BOLA3: variants seen among roughly 807,000 people sequenced by gnomAD.
BOLA3 encodes the protein bolA family member 3.
BOLA3 carries 8 observed loss-of-function variants against 14.5 expected under a neutral mutation model. The ratio of observed to expected loss-of-function variants is 0.55; its 90% CI spans 0.32 to 0.99. The LOEUF (loss-of-function observed/expected upper bound fraction) is 0.99. Among genes scored for constraint, BOLA3 ranks in the 50% least tolerant of loss-of-function variants. BOLA3 has a pLI of 0.04. For missense variants in BOLA3, 115 were observed against 138.2 expected (o/e 0.83, Z 0.84); for synonymous variants, 42 against 45.7 (o/e 0.92, Z 0.33).
intron 2 of BOLA3, 47 bp downstream of exon 2, chr2:74,145,142 G>A (rs752181471): frequency 9.0e-7 from 1 of 1,116,560 alleles, no homozygotes; most frequent in East Asian, 2.3e-5. Context: ...CCTTCCAAAG[G>A]GCAAAATCTT....
chr2:74,146,822 C>T (rs982780054), intron 1 of BOLA3: 8 of 152,492 alleles, frequency 5.2e-5, no homozygotes, highest in Non-Finnish European at 1.2e-4. Flanking sequence ...GAGCTGACCC[C>T]AGGGCAGGCC....
chr2:74,144,000 A>G (rs927043528), intron 2 of BOLA3, among the ~76,000 whole-genome samples: 5 of 120,038 alleles, frequency 4.2e-5, no homozygotes, highest in Non-Finnish European at 8.4e-5. Context: ...GCCTGGCCCC[A>G]GCAGATTTTT....
intron 1 of BOLA3, chr2:74,146,741 T>G (rs1692552628): frequency 6.6e-6 from 1 of 152,254 alleles, no homozygotes; most frequent in Non-Finnish European, 1.5e-5. Flanking sequence ...AGCACCTCCT[T>G]TAAAATGAGC....
At chr2:74,136,340 G>A (rs79879038) in intron 3 of BOLA3, among the ~76,000 whole-genome samples, 25 of 152,108 alleles carry the variant, frequency 1.6e-4, no homozygotes, top group African/African-American at 4.8e-4. Flanking sequence ...CTTTTAAAAC[G>A]CAAATGGTTA....
chr2:74,144,899 C>T (rs1692515804), intron 2 of BOLA3, among the ~76,000 whole-genome samples: 2 of 152,222 alleles, frequency 1.3e-5, no homozygotes, highest in African/African-American at 4.8e-5. Context: ...AAATGACAGA[C>T]TGTGGACCTC....
At chr2:74,139,452 C>G (rs1692396735) in intron 3 of BOLA3, among the ~76,000 whole-genome samples, 1 of 151,794 alleles carries the variant, frequency 6.6e-6, no homozygotes, top group Admixed American at 6.6e-5. Context: ...GTCCAGTTAC[C>G]ACCTTGCCTT....
At chr2:74,141,620 C>T (rs909421320) in intron 3 of BOLA3, among the ~76,000 whole-genome samples, 12 of 151,962 alleles carry the variant, frequency 7.9e-5, no homozygotes, top group African/African-American at 2.4e-4. Context: ...GAGAGGCCAC[C>T]GAAGAGACGC....
chr2:74,136,528 T>A (rs1361149351), intron 3 of BOLA3, among the ~76,000 whole-genome samples: 1 of 152,208 alleles, frequency 6.6e-6, no homozygotes, highest in East Asian at 1.9e-4. Context: ...CCAAGAGAAT[T>A]CTTCTTCCAT....
intron 3 of BOLA3, among the ~76,000 whole-genome samples, chr2:74,140,500 C>T (rs370267496): frequency 6.1e-4 from 93 of 152,306 alleles, no homozygotes; most frequent in African/African-American, 2.0e-3. Flanking sequence ...GGGGACACAG[C>T]CCCGTCCTGC....
intron 2 of BOLA3, among the ~76,000 whole-genome samples, chr2:74,143,796 C>T (rs1180885231): frequency 6.6e-6 from 1 of 151,944 alleles, no homozygotes; most frequent in African/African-American, 2.4e-5. Context: ...AAGCGATTCT[C>T]CTGCCTCAGC....
intron 2 of BOLA3, among the ~76,000 whole-genome samples, chr2:74,143,339 T>G (rs888959686): frequency 6.6e-5 from 10 of 152,064 alleles, no homozygotes; most frequent in Non-Finnish European, 1.5e-5. Context: ...TTTTGTATTT[T>G]TAGTAGAGAC....
Position 74,135,585 on chromosome 2 carries a change from G to C in BOLA3, c.*8C>G, listed in dbSNP as rs751396525. On this transcript the variant is annotated 3_prime_UTR_variant, in exon 4 of 4. Transcript: ENST00000327428. ...TTAAGCAGCAGCATCTATGCAGCCA[G>C]GGCGTGGTCAGCGTTTGGGGACAGA... 6.2e-7 allele frequency: 1 copy of C among 1,614,044 alleles called. No individual in the cohort carries two copies. Among genetic ancestry groups the C allele is most frequent in the East Asian group, 2.2e-5 (1 of 44,884 alleles).
chr2:74,146,947 G>A (rs932476064), intron 1 of BOLA3: 2 of 152,596 alleles, frequency 1.3e-5, no homozygotes, highest in African/African-American at 4.8e-5. Flanking sequence ...CTGCTGTGTG[G>A]AGGGACAGAA....
intron 3 of BOLA3, among the ~76,000 whole-genome samples, chr2:74,135,948 C>CTTTT (rs55654893): frequency 4.5e-5 from 6 of 134,692 alleles, no homozygotes; most frequent in Admixed American, 2.3e-4. Context: ...TCTTGTGTAT[C>CTTTT]TTTTTTTTTT....
chr2:74,141,576 G>C (rs1160844952), intron 3 of BOLA3, among the ~76,000 whole-genome samples: 1 of 152,070 alleles, frequency 6.6e-6, no homozygotes, highest in Non-Finnish European at 1.5e-5. Flanking sequence ...GGAAATGCGT[G>C]AACAGCAGTC....
intron 2 of BOLA3, among the ~76,000 whole-genome samples, chr2:74,142,955 G>A (rs1260473843): frequency 2.6e-5 from 4 of 152,178 alleles, no homozygotes; most frequent in Non-Finnish European, 5.9e-5. Flanking sequence ...GAACTTTTTG[G>A]TGAAGCCCTC....
In BOLA3 at chr2:74,147,808, T is replaced by C; in HGVS notation, c.54+13A>G. The C allele has an allele frequency of 6.5e-7, 1 of 1,529,184 alleles. No homozygotes were observed. Among genetic ancestry groups the C allele is most frequent in the Non-Finnish European group, 8.7e-7 (1 of 1,144,522 alleles). The allele number at this position is 1,529,184 out of a possible 1,614,324, so 94.7% of individuals were successfully genotyped here. ...GTCCCGGGGAGAGCAGCCCCGACCC[T>C]GCCCACGCTCACCCCGCGGATCCCG... On this transcript the variant is annotated intron_variant, in intron 1 of 3. Coordinates refer to ENST00000327428, the MANE Select transcript of BOLA3 (RefSeq NM_212552.3).
intron 3 of BOLA3, 82 bp from the exon 4 acceptor site, chr2:74,135,740 C>A (rs992122474): frequency 1.9e-6 from 2 of 1,062,292 alleles, no homozygotes; most frequent in African/African-American, 1.6e-5. Context: ...TTATACAGCT[C>A]TGCATCTGAA....
rs2103633468 is a variant in BOLA3, at chr2:74,135,452, AT to A, written c.*140del. On this transcript the variant is annotated 3_prime_UTR_variant, in exon 4 of 4. Coordinates refer to ENST00000327428, the MANE Select transcript of BOLA3 (RefSeq NM_212552.3). ...TTTCCTTTAATTAACATCTAAATAGATTATACATCTTCTATAATTATAATAT... is the reference window on the plus strand; with the variant it reads ...TTTCCTTTAATTAACATCTAAATAGATATACATCTTCTATAATTATAATAT... 3.2e-6 allele frequency: 4 copies of A among 1,264,786 alleles called. No homozygotes were observed. The East Asian group carries it at 1.0e-4, about 32-fold the overall frequency. The allele number at this position is 1,264,786 out of a possible 1,614,324, so 78.3% of individuals were successfully genotyped here. A position where few individuals can be genotyped will look rare whatever the true frequency, so the allele number is the denominator to read the frequency against.
Sources: gnomAD v4.1 joint callset for allele counts (sites outside exome capture counted in the v4.1 genomes callset) on GRCh38, gnomAD v4.1.1 for gene constraint, MANE v1.5 for transcripts, NCBI Gene and HGNC (gene_info 2026-07-23, HGNC 2026-07-21) for gene names.